The following PGM5 variants were observed in gnomAD, a reference collection of about 807,000 sequenced individuals.
PGM5 encodes the protein phosphoglucomutase 5.
PGM5 carries 23 observed loss-of-function variants against 59.2 expected under a neutral mutation model. The ratio of observed to expected loss-of-function variants is 0.39; its 90% CI spans 0.28 to 0.55. The LOEUF (loss-of-function observed/expected upper bound fraction) is 0.55, where lower values mean the gene tolerates loss of function less well. PGM5 is among the 20% of genes least tolerant of loss of function. PGM5 has a pLI of 0.66. For synonymous variants in PGM5, 214 were observed against 286.0 expected, an observed-to-expected ratio of 0.75 and a Z score of 2.54; for missense variants, 574 against 748.3, an observed-to-expected ratio of 0.77 and a Z score of 2.72.
At chr9:68,390,718 G>A (rs768079018) in intron 4 of PGM5, among the ~76,000 whole-genome samples, 6 of 152,106 alleles carry the variant, frequency 3.9e-5, no homozygotes, top group Non-Finnish European at 8.8e-5. Flanking sequence ...ATGTTCCTTC[G>A]ATTTAGATGG....
intron 10 of PGM5, among the ~76,000 whole-genome samples, chr9:68,513,786 A>C (rs1824786535): frequency 6.6e-6 from 1 of 152,194 alleles, no homozygotes; most frequent in South Asian, 2.1e-4. Flanking sequence ...GTTTAACAAA[A>C]GCTAAGATAC....
chr9:68,362,270 G>A (rs1554676325), intron 1 of PGM5, among the ~76,000 whole-genome samples: 1 of 152,110 alleles, frequency 6.6e-6, no homozygotes, highest in African/African-American at 2.4e-5. Context: ...TGAAGATTTG[G>A]TGAGTTAACT....
intron 10 of PGM5, among the ~76,000 whole-genome samples, chr9:68,522,706 C>T (rs1206280637): frequency 6.6e-6 from 1 of 152,154 alleles, no homozygotes; most frequent in African/African-American, 2.4e-5. Context: ...CCAAAGTTAG[C>T]TCAAGAAAGT....
rs1554679485 is a variant in PGM5, at chr9:68,391,716, G to A, written c.880G>A (p.Ala294Thr). The A allele has an allele frequency of 1.2e-6, 2 of 1,612,868 alleles. No individual in the cohort carries two copies. The highest frequency in any genetic ancestry group is 8.5e-7 in the Non-Finnish European group (1 of 1,179,280). Reference protein sequence around the residue: ...GEYGFGAAFDADGDRYMILGQ... With the variant: ...GEYGFGAAFDTDGDRYMILGQ... ...ATATGGATTTGGAGCTGCATTTGAT[G>A]CTGATGGGGTAAGTAGGAAAGCTGT... Residue 294 changes from alanine to threonine, a missense_variant, in exon 5 of 11, where the codon GCT (alanine) becomes ACT (threonine). Around this residue, in one of 7 missense-constraint regions of PGM5, gnomAD observed 34 missense variants for 48.1 expected, o/e 0.71. Transcript: ENST00000396396.
At chr9:68,377,515 A>G (rs1554677898) in intron 1 of PGM5, among the ~76,000 whole-genome samples, 2 of 152,324 alleles carry the variant, frequency 1.3e-5, no homozygotes, top group East Asian at 1.9e-4. Flanking sequence ...GTAGCAATAA[A>G]TGTTCTTCAG....
At chr9:68,496,771 TC>T (rs1269610004) in intron 9 of PGM5, 1 of 152,234 alleles carries the variant, frequency 6.6e-6, no homozygotes, top group African/African-American at 2.4e-5. Context: ...TTCTTAAATT[TC>T]CCCTCACTGG....
At chr9:68,456,618 CTTT>C (rs1256922534) in intron 6 of PGM5, among the ~76,000 whole-genome samples, 1 of 122,356 alleles carries the variant, frequency 8.2e-6, no homozygotes, top group Non-Finnish European at 1.7e-5. Flanking sequence ...GTGCCCTGTC[CTTT>C]TTTTTTTTTT....
chr9:68,430,382 G>A (rs1259456157), intron 6 of PGM5, among the ~76,000 whole-genome samples: 3 of 152,224 alleles, frequency 2.0e-5, no homozygotes, highest in South Asian at 2.1e-4. Flanking sequence ...TCATGCTTTC[G>A]CTTTCCACAA....
At chr9:68,504,168 C>A (rs1212893087) in intron 10 of PGM5, among the ~76,000 whole-genome samples, 1 of 152,226 alleles carries the variant, frequency 6.6e-6, no homozygotes, top group East Asian at 1.9e-4. Context: ...ACTTCTATTT[C>A]TGTTGCTTAT....
At chr9:68,510,144 GCA>G (rs1824724010) in intron 10 of PGM5, among the ~76,000 whole-genome samples, 1 of 133,134 alleles carries the variant, frequency 7.5e-6, no homozygotes, top group Non-Finnish European at 1.5e-5. Flanking sequence ...TTTGAAATCA[GCA>G]TTTTTTTTTT....
intron 6 of PGM5, among the ~76,000 whole-genome samples, chr9:68,403,048 G>A (rs1234054766): frequency 6.6e-6 from 1 of 152,138 alleles, no homozygotes; most frequent in Middle Eastern, 3.2e-3. Context: ...GTGTGCTCAG[G>A]AAAGCATTTT....
At chr9:68,436,485 G>A (rs1226772244) in intron 6 of PGM5, among the ~76,000 whole-genome samples, 1 of 152,276 alleles carries the variant, frequency 6.6e-6, no homozygotes, top group Non-Finnish European at 1.5e-5. Flanking sequence ...CAGAGAGAAG[G>A]AGTATCTGGG....
chr9:68,396,343 T>G (rs1822501404), intron 6 of PGM5: 1 of 152,204 alleles, frequency 6.6e-6, no homozygotes, highest in Non-Finnish European at 1.5e-5. Flanking sequence ...ATAATTATAA[T>G]TGGATCAAAA....
intron 1 of PGM5, among the ~76,000 whole-genome samples, chr9:68,374,154 C>A (rs1480307813): frequency 2.6e-5 from 4 of 152,386 alleles, no homozygotes; most frequent in Admixed American, 6.5e-5. Flanking sequence ...CACCACTATA[C>A]AATCTTCATA....
At chr9:68,421,776 T>C (rs1485587132) in intron 6 of PGM5, among the ~76,000 whole-genome samples, 1 of 151,948 alleles carries the variant, frequency 6.6e-6, no homozygotes, top group Non-Finnish European at 1.5e-5. Flanking sequence ...CTTTCCTGAC[T>C]GGCCCCTGAC....
rs782720701 is a variant in PGM5 at position 68,357,313 on chromosome 9, G to T, written c.186G>T (p.Met62Ile). 2.3e-5 allele frequency: 36 copies of T among 1,550,916 alleles called. No homozygotes were observed. In the South Asian group the frequency reaches 4.3e-4, roughly 18 times the overall value. ...IDLRDRQGCT[M>I]VVGSDGRYFS... ...TGCGCGACCGTCAGGGCTGCACCAT[G>T]GTGGTGGGCAGCGACGGCAGGTACT... Residue 62 changes from methionine to isoleucine, a missense_variant, in exon 1 of 11, where the codon ATG becomes ATT. Met to Ile is a conservative substitution (Grantham distance 10). This residue lies in a region of PGM5 where 61 missense variants were observed against 133.3 expected (regional missense o/e 0.46). Transcript: ENST00000396396.
rs536298605 is a variant in PGM5, at chr9:68,357,605, C to A, written c.261+217C>A. On this transcript the variant is annotated intron_variant, in intron 1 of 10. Transcript: ENST00000396396. ...CACTGGGTTCTATTAGTACCCACCG[C>A]CCCCAAAAGCCTTGAGGGGTTTCCG... 16 of 718,662 alleles carry A rather than the reference C, an allele frequency of 2.2e-5. No individual in the cohort carries two copies. The South Asian group carries it at 2.8e-4, about 13-fold the overall frequency. The allele number at this position is 718,662 out of a possible 1,614,324, so 44.5% of individuals were successfully genotyped here.
At chr9:68,510,880 T>G (rs1040132405) in intron 10 of PGM5, among the ~76,000 whole-genome samples, 8 of 152,244 alleles carry the variant, frequency 5.3e-5, no homozygotes, top group African/African-American at 1.9e-4. Flanking sequence ...CATAGGTGGA[T>G]TCAAAGATTT....
At position 68,529,641 on chromosome 9, in the gene PGM5, C is replaced by T. The variant is rs1435495768; in HGVS notation, c.1689C>T (p.Pro563=). The T allele has an allele frequency of 1.9e-6, 3 of 1,594,494 alleles. No individual in the cohort carries two copies. Among genetic ancestry groups the T allele is most frequent in the Non-Finnish European group, 8.6e-7 (1 of 1,166,950 alleles). The stretch of plus-strand genomic sequence containing the variant: ...ATGAGAGAACTGGCCGGAGGGGACC[C>T]ACTGTCATCACCTGAATAGAGGAAA... ...QIHERTGRRG[P]TVIT is the part of the protein sequence containing the mutation. Residue 563 remains proline, a synonymous_variant, in exon 11 of 11, where the codon CCC becomes CCT. Transcript: ENST00000396396.
Sources: gnomAD v4.1 joint callset for allele counts (sites outside exome capture counted in the v4.1 genomes callset) on GRCh38, gnomAD v4.1.1 for gene constraint, gnomAD v4.1.1 regional missense constraint, MANE v1.5 for transcripts, NCBI Gene and HGNC (gene_info 2026-07-23, HGNC 2026-07-21) for gene names.